The following CAMTA1 variants were observed in gnomAD, a reference collection of about 807,000 sequenced individuals.
The protein encoded by CAMTA1 is calmodulin-binding transcription activator 1.
CAMTA1 carries 27 observed loss-of-function variants against 170.9 expected under a neutral mutation model. The ratio of observed to expected loss-of-function variants is 0.16; its 90% CI spans 0.12 to 0.22. CAMTA1 has a LOEUF of 0.22. Ranked by LOEUF, CAMTA1 falls within the 10% of genes least tolerant of loss-of-function variation. The pLI, the probability that CAMTA1 is intolerant of heterozygous loss-of-function variation, is 1.00. For missense variants in CAMTA1, 1,619 were observed against 2,217.2 expected (o/e 0.73, Z 5.42); for synonymous variants, 833 against 891.5 (o/e 0.93, Z 1.17).
At position 7,288,836 on chromosome 1, in the gene CAMTA1, TG is replaced by T. The variant is rs531821629; in HGVS notation, c.438+39214del. Among the ~76,000 whole-genome samples, 37 of 152,184 alleles carry T rather than the reference TG, an allele frequency of 2.4e-4. 1 individual carries two copies. In the South Asian group the frequency reaches 5.8e-3, roughly 24 times the overall value. On this transcript the variant is annotated intron_variant, in intron 5 of 22. Coordinates refer to ENST00000303635, the MANE Select transcript of CAMTA1 (RefSeq NM_015215.4). ...AAGCATTTGGTATTAGCGGGAGAGT[TG>T]GGGAAGGAGGATCAAAGTCAGGATG... is the stretch of plus-strand genomic sequence containing the variant.
chr1:7,081,022 A>G (rs1252874976), intron 3 of CAMTA1, among the ~76,000 whole-genome samples: 1 of 152,230 alleles, frequency 6.6e-6, no homozygotes, highest in Non-Finnish European at 1.5e-5. Flanking sequence ...CAAAGAGTGC[A>G]TGGCTACCAA....
intron 4 of CAMTA1, among the ~76,000 whole-genome samples, chr1:7,196,809 A>C (rs1249696568): frequency 6.6e-6 from 1 of 152,192 alleles, no homozygotes; most frequent in African/African-American, 2.4e-5. Context: ...TATGACCAGG[A>C]ATTATTCACC....
chr1:6,800,140 C>T lies in CAMTA1; in HGVS notation c.45+14565C>T, dbSNP rs145925541. On this transcript the variant is annotated intron_variant, in intron 1 of 22. Transcript: ENST00000303635. Reference sequence around the variant, plus strand: ...AAAACGTAGGCCGGGTGCTGTGGCTCGGTGCCTATAATCTAAGCACTTTGG... The same window carrying T: ...AAAACGTAGGCCGGGTGCTGTGGCTTGGTGCCTATAATCTAAGCACTTTGG... Among the ~76,000 whole-genome samples, 285 of 152,060 alleles carry T rather than the reference C, an allele frequency of 1.9e-3. 1 individual carries two copies. The highest frequency in any genetic ancestry group is 6.2e-3 in the African/African-American group (257 of 41,484).
chr1:7,727,121 A>T (rs1247566632), intron 11 of CAMTA1, among the ~76,000 whole-genome samples: 6 of 130,340 alleles, frequency 4.6e-5, no homozygotes, highest in Non-Finnish European at 6.4e-5. Flanking sequence ...CCTTGTATTA[A>T]TTTTTTTTTT....
intron 6 of CAMTA1, among the ~76,000 whole-genome samples, chr1:7,488,478 TCA>T (rs1225464972): frequency 6.6e-6 from 1 of 151,874 alleles, no homozygotes; most frequent in Admixed American, 6.6e-5. Context: ...GCCCATCCCA[TCA>T]CACACACACA....
intron 4 of CAMTA1, among the ~76,000 whole-genome samples, chr1:7,103,388 TAC>T (rs1018786853): frequency 7.6e-6 from 1 of 132,278 alleles, no homozygotes; most frequent in African/African-American, 2.9e-5. Context: ...ACTACACACG[TAC>T]ACACAACTAC....
chr1:6,935,867 G>A (rs1164471897), intron 3 of CAMTA1, among the ~76,000 whole-genome samples: 1 of 152,168 alleles, frequency 6.6e-6, no homozygotes, highest in Non-Finnish European at 1.5e-5. Flanking sequence ...TCCTTCACCA[G>A]ATGGAGACCC....
At chr1:7,211,051 A>G (rs982038674) in intron 4 of CAMTA1, among the ~76,000 whole-genome samples, 28 of 152,320 alleles carry the variant, frequency 1.8e-4, no homozygotes, top group African/African-American at 6.5e-4. Flanking sequence ...TCATGTACCT[A>G]TCACCTAGGT....
At chr1:7,481,377 A>G (rs1203123524) in intron 6 of CAMTA1, among the ~76,000 whole-genome samples, 1 of 152,212 alleles carries the variant, frequency 6.6e-6, no homozygotes, top group Non-Finnish European at 1.5e-5. Flanking sequence ...TCAAAGAGTC[A>G]GGTCCTTTCG....
At chr1:7,000,162 A>G (rs1572343879) in intron 3 of CAMTA1, among the ~76,000 whole-genome samples, 1 of 152,084 alleles carries the variant, frequency 6.6e-6, no homozygotes, top group Non-Finnish European at 1.5e-5. Context: ...GGCAAGATGG[A>G]GTGGGGAGCT....
At chr1:7,182,300 G>A (rs771634078) in intron 4 of CAMTA1, among the ~76,000 whole-genome samples, 2 of 152,230 alleles carry the variant, frequency 1.3e-5, no homozygotes, top group Non-Finnish European at 2.9e-5. Context: ...TTGCACTTTG[G>A]GGGGCCAAGG....
At chr1:7,200,110 C>T (rs1465711320) in intron 4 of CAMTA1, among the ~76,000 whole-genome samples, 1 of 152,120 alleles carries the variant, frequency 6.6e-6, no homozygotes, top group Non-Finnish European at 1.5e-5. Context: ...TATCATTCGC[C>T]AGATTTCATA....
chr1:6,802,903 C>T (rs1488045053), intron 1 of CAMTA1, among the ~76,000 whole-genome samples: 1 of 152,168 alleles, frequency 6.6e-6, no homozygotes, highest in African/African-American at 2.4e-5. Context: ...TGCCACAACG[C>T]CCGGCTGATT....
At chr1:6,902,759 G>A (rs1369809890) in intron 3 of CAMTA1, among the ~76,000 whole-genome samples, 1 of 152,234 alleles carries the variant, frequency 6.6e-6, no homozygotes, top group African/African-American at 2.4e-5. Context: ...TAAAACCACA[G>A]TGAGATGCCA....
chr1:7,746,108 C>T lies in CAMTA1; in HGVS notation c.4617+17C>T, dbSNP rs1558287317. Reference sequence around the variant, plus strand: ...AAATACAAGGTAAACTAGAACAGAACCTTCGTTTTGTGACATTCTTAAGAT... The same window carrying T: ...AAATACAAGGTAAACTAGAACAGAATCTTCGTTTTGTGACATTCTTAAGAT... On this transcript the variant is annotated intron_variant, in intron 18 of 22. Coordinates refer to ENST00000303635, the MANE Select transcript of CAMTA1 (RefSeq NM_015215.4). 1.2e-6 allele frequency: 2 copies of T among 1,607,740 alleles called. No individual in the cohort carries two copies. The highest frequency in any genetic ancestry group is 1.7e-6 in the Non-Finnish European group (2 of 1,174,610).
At chr1:7,630,944 T>C (rs998381739) in intron 6 of CAMTA1, among the ~76,000 whole-genome samples, 3 of 152,230 alleles carry the variant, frequency 2.0e-5, no homozygotes, top group Admixed American at 1.3e-4. Context: ...AGGGCCCCTC[T>C]TTCAGTTCCT....
intron 11 of CAMTA1, among the ~76,000 whole-genome samples, chr1:7,697,265 C>T (rs2096386423): frequency 7.3e-6 from 1 of 137,076 alleles, no homozygotes. Flanking sequence ...TCACTGGGCA[C>T]CCACCAGGCC....
chr1:6,866,325 G>C (rs1666558497), intron 3 of CAMTA1, among the ~76,000 whole-genome samples: 1 of 152,172 alleles, frequency 6.6e-6, no homozygotes, highest in Non-Finnish European at 1.5e-5. Flanking sequence ...TCTGAAGTTT[G>C]AGAATCAGTG....
intron 6 of CAMTA1, among the ~76,000 whole-genome samples, chr1:7,567,008 G>T (rs989523286): frequency 6.6e-6 from 1 of 152,248 alleles, no homozygotes; most frequent in Non-Finnish European, 1.5e-5. Flanking sequence ...TCCCACCCTG[G>T]GTCAGGGTCT....
Sources: gnomAD v4.1 joint callset for allele counts (sites outside exome capture counted in the v4.1 genomes callset) on GRCh38, gnomAD v4.1.1 for gene constraint, MANE v1.5 for transcripts, NCBI Gene and HGNC (gene_info 2026-07-23, HGNC 2026-07-21) for gene names.